The following MYBPC1 variants were observed in gnomAD, a reference collection of about 807,000 sequenced individuals.
MYBPC1 encodes myosin-binding protein C, slow-type.
MYBPC1 carries 52 observed loss-of-function variants against 147.1 expected under a neutral mutation model. That is an observed-to-expected ratio of 0.35 (90% CI 0.28 to 0.45). The LOEUF is 0.45. MYBPC1 is among the 20% of genes least tolerant of loss of function. MYBPC1 has a pLI of 1.00. For synonymous variants in MYBPC1, 477 were observed against 475.9 expected, an observed-to-expected ratio of 1.00 and a Z score of -0.03; for missense variants, 1,228 against 1,440.3, an observed-to-expected ratio of 0.85 and a Z score of 2.39.
intron 8 of MYBPC1, among the ~76,000 whole-genome samples, 174 bp from the exon 9 acceptor site, chr12:101,634,380 C>T (rs1890579277): frequency 6.6e-6 from 1 of 152,156 alleles, no homozygotes; most frequent in South Asian, 2.1e-4. Flanking sequence ...ATTGGTTCTT[C>T]ATGAGGGAGG....
intron 21 of MYBPC1, among the ~76,000 whole-genome samples, chr12:101,663,073 T>C (rs1287826551): frequency 1.3e-5 from 2 of 152,190 alleles, no homozygotes; most frequent in Non-Finnish European, 2.9e-5. Context: ...GGTATTTTTT[T>C]CAATGGAAAA....
At position 101,619,245 on chromosome 12, in the gene MYBPC1, T is replaced by C. The variant is rs566041196; in HGVS notation, c.103+2002T>C. Reference sequence around the variant, plus strand: ...TCAGTCTATTTTTTTTTTTTAACCATCCAACTCAGGTTTCACTTCTTTGAA... The same window carrying C: ...TCAGTCTATTTTTTTTTTTTAACCACCCAACTCAGGTTTCACTTCTTTGAA... On this transcript the variant is annotated intron_variant, in intron 3 of 31. Coordinates refer to ENST00000361466, the MANE Select transcript of MYBPC1 (RefSeq NM_002465.4). Among the ~76,000 whole-genome samples, 57 of 151,990 alleles carry C rather than the reference T, an allele frequency of 3.8e-4. No individual in the cohort carries two copies. The Middle Eastern group carries it at 0.01, about 27-fold the overall frequency.
At chr12:101,644,939 A>G (rs1006779789) in intron 12 of MYBPC1, 143 bp downstream of exon 12, 43 of 844,806 alleles carry the variant, frequency 5.1e-5, no homozygotes, top group Admixed American at 1.1e-4. Context: ...TTTAAGTCAC[A>G]TTTTATTTAT....
intron 1 of MYBPC1, among the ~76,000 whole-genome samples, chr12:101,604,966 G>T (rs910904649): frequency 6.6e-6 from 1 of 152,166 alleles, no homozygotes; most frequent in Non-Finnish European, 1.5e-5. Flanking sequence ...CCCCTTAAGT[G>T]ACCTCCTTAA....
chr12:101,627,115 C>T (rs925594036), intron 4 of MYBPC1, among the ~76,000 whole-genome samples: 1 of 152,150 alleles, frequency 6.6e-6, no homozygotes, highest in East Asian at 1.9e-4. Flanking sequence ...AAGAGGCATT[C>T]TTTGAGAAAT....
intron 6 of MYBPC1, among the ~76,000 whole-genome samples, chr12:101,631,331 A>C (rs1002195397): frequency 6.6e-6 from 1 of 152,204 alleles, no homozygotes; most frequent in East Asian, 1.9e-4. Flanking sequence ...TATAAAAATT[A>C]CTTCCACTGG....
intron 1 of MYBPC1, among the ~76,000 whole-genome samples, chr12:101,597,845 A>C (rs1455470524): frequency 6.6e-6 from 1 of 152,116 alleles, no homozygotes; most frequent in Non-Finnish European, 1.5e-5. Context: ...GGCCTAGTAC[A>C]ATTAAGTTAT....
rs186518831 is a variant in MYBPC1 at position 101,634,152 on chromosome 12, G to A, written c.557-402G>A. Among the ~76,000 whole-genome samples, 1,060 of 152,114 alleles carry A rather than the reference G, an allele frequency of 7.0e-3. 9 individuals carry two copies. The highest frequency in any genetic ancestry group is 0.025 in the African/African-American group (1,035 of 41,496). On this transcript the variant is annotated intron_variant, in intron 8 of 31. Transcript: ENST00000361466. ...CCTGATCTCGTGATCCGCCCGCCTC[G>A]GCCTCCCAAAGTGCTGGGATTACAG... is the stretch of plus-strand genomic sequence containing the variant.
chr12:101,604,855 C>T (rs1270294177), intron 1 of MYBPC1, among the ~76,000 whole-genome samples: 2 of 152,186 alleles, frequency 1.3e-5, no homozygotes, highest in Non-Finnish European at 2.9e-5. Context: ...ATTATAGACG[C>T]CATTCCAGGT....
chr12:101,600,898 C>T (rs1342232302), intron 1 of MYBPC1, among the ~76,000 whole-genome samples: 3 of 152,146 alleles, frequency 2.0e-5, no homozygotes, highest in Admixed American at 1.3e-4. Context: ...ATTTTAATTT[C>T]ATGTGTGTAC....
chr12:101,654,604 G>C (rs997237872), intron 18 of MYBPC1, among the ~76,000 whole-genome samples: 1 of 152,162 alleles, frequency 6.6e-6, no homozygotes, highest in Non-Finnish European at 1.5e-5. Flanking sequence ...GCTGCACAGA[G>C]AGTCCCCCTG....
At chr12:101,634,161 A>G (rs907710995) in intron 8 of MYBPC1, among the ~76,000 whole-genome samples, 2 of 151,774 alleles carry the variant, frequency 1.3e-5, no homozygotes, top group Admixed American at 6.6e-5. Context: ...CGGCCTCCCA[A>G]AGTGCTGGGA....
At chr12:101,670,080 A>G in intron 23 of MYBPC1, 1 of 584,686 alleles carries the variant, frequency 1.7e-6, no homozygotes, top group East Asian at 3.0e-5. Flanking sequence ...TGTCAGGGAT[A>G]AATTTTGCTG....
intron 1 of MYBPC1, among the ~76,000 whole-genome samples, chr12:101,610,332 G>A (rs942549246): frequency 6.6e-6 from 1 of 152,026 alleles, no homozygotes; most frequent in Admixed American, 6.6e-5. Context: ...AAATTGCATC[G>A]AGCTCAACTA....
chr12:101,693,205 C>T, the MYBPC1 span, among the ~76,000 whole-genome samples: 50 of 152,262 alleles, frequency 3.3e-4, no homozygotes, highest in Non-Finnish European at 6.0e-4. Context: ...CTTGGCCTCC[C>T]AAGGTGCTGG....
At chr12:101,690,113 T>G (rs1443008972), downstream of MYBPC1, among the ~76,000 whole-genome samples, 1 of 152,098 alleles carries the variant, frequency 6.6e-6, no homozygotes, top group Non-Finnish European at 1.5e-5. Flanking sequence ...AGGCGGAGTT[T>G]GCAGTGAGCC....
chr12:101,661,896 C>CAAAAAA (rs66873575), intron 20 of MYBPC1, among the ~76,000 whole-genome samples: 7 of 83,174 alleles, frequency 8.4e-5, no homozygotes, highest in Non-Finnish European at 1.2e-4. Flanking sequence ...GACTCTGTCT[C>CAAAAAA]AAAAAAAAAA....
intron 10 of MYBPC1, 42 bp downstream of exon 10, chr12:101,636,770 T>TCACCCA (rs1416493049): frequency 2.0e-6 from 3 of 1,528,584 alleles, no homozygotes; most frequent in Non-Finnish European, 2.7e-6. Flanking sequence ...GGCCTGGAAG[T>TCACCCA]CTTTCAGACA....
At chr12:101,677,847 C>A (rs1900339141) in intron 27 of MYBPC1, among the ~76,000 whole-genome samples, 1 of 152,186 alleles carries the variant, frequency 6.6e-6, no homozygotes, top group Non-Finnish European at 1.5e-5. Flanking sequence ...AATTTCTATT[C>A]AAAATACTCA....
Sources: gnomAD v4.1 joint callset for allele counts (sites outside exome capture counted in the v4.1 genomes callset) on GRCh38, gnomAD v4.1.1 for gene constraint, MANE v1.5 for transcripts, NCBI Gene and HGNC (gene_info 2026-07-23, HGNC 2026-07-21) for gene names.